Variants in DACH2 observed in about 807,000 individuals in gnomAD.
DACH2 encodes the protein dachshund homolog 2.
A neutral mutation model predicts 35.8 loss-of-function variants in DACH2; 17 were observed. That is an observed-to-expected ratio of 0.48 (90% confidence interval 0.33 to 0.71). The LOEUF is 0.71. Among genes scored for constraint, DACH2 ranks in the 30% least tolerant of loss-of-function variants. DACH2 has a pLI of 0.02. For missense variants in DACH2, 469 were observed against 472.7 expected, an observed-to-expected ratio of 0.99 and a Z score of 0.07; for synonymous variants, 195 against 177.3, an observed-to-expected ratio of 1.10 and a Z score of -0.79.
In DACH2 at chrX:86,787,851, AGAGAG is replaced by A. The variant is rs775488648; in HGVS notation, c.1241-25000_1241-24996del. Among the ~76,000 whole-genome samples, 3 of 111,491 alleles carry A rather than the reference AGAGAG, an allele frequency of 2.7e-5. No individual in the cohort carries two copies. In the South Asian group the frequency reaches 1.1e-3, roughly 42 times the overall value. On this transcript the variant is annotated intron_variant, in intron 7 of 11. Transcript: ENST00000373125. Reference sequence around the variant, plus strand: ...TTGTACTGAGGAGAATAAGGCAGAGAGAGAGGAGATATCAAAGCAAGTTTTAGAGA... The same window carrying A: ...TTGTACTGAGGAGAATAAGGCAGAGAGAGATATCAAAGCAAGTTTTAGAGA...
At chrX:86,707,749 T>C (rs751158810) in intron 5 of DACH2, among the ~76,000 whole-genome samples, 36 of 108,071 alleles carry the variant, frequency 3.3e-4, no homozygotes, top group Non-Finnish European at 5.5e-4. Flanking sequence ...ACCCCGTCTC[T>C]ACTAAAAGTA....
intron 2 of DACH2, among the ~76,000 whole-genome samples, chrX:86,406,213 A>C (rs2036525603): frequency 8.9e-6 from 1 of 112,383 alleles, no homozygotes; most frequent in Non-Finnish European, 1.9e-5. Context: ...TAGTCATGAA[A>C]AAGAATGAGA....
intron 2 of DACH2, among the ~76,000 whole-genome samples, chrX:86,403,539 C>A (rs2036471492): frequency 9.0e-6 from 1 of 111,640 alleles, no homozygotes; most frequent in African/African-American, 3.3e-5. Context: ...CAAAACAAAA[C>A]AGAAATAGAT....
At chrX:86,331,855 T>C in intron 1 of DACH2, among the ~76,000 whole-genome samples, 1 of 111,292 alleles carries the variant, frequency 9.0e-6, no homozygotes, top group South Asian at 3.8e-4. Flanking sequence ...CTCATGCTAG[T>C]GATGATACAT....
At chrX:86,268,366 G>A (rs753656901) in intron 1 of DACH2, among the ~76,000 whole-genome samples, 3 of 110,960 alleles carry the variant, frequency 2.7e-5, no homozygotes, top group South Asian at 3.7e-4. Context: ...AACAAATTTT[G>A]AGCTAGGCAC....
chrX:86,742,539 T>C (rs1454717125), intron 7 of DACH2: 4 of 169,715 alleles, frequency 2.4e-5, no homozygotes, highest in African/African-American at 6.2e-5. Flanking sequence ...ATAAAACTTA[T>C]GTTAGTTGTT....
chrX:86,164,849 G>A (rs2030887190), intron 1 of DACH2, among the ~76,000 whole-genome samples: 1 of 111,511 alleles, frequency 9.0e-6, no homozygotes, highest in Non-Finnish European at 1.9e-5. Flanking sequence ...CTGTAGTATA[G>A]TATGAAGTTG....
At chrX:86,538,625 A>G (rs62593264) in intron 3 of DACH2, among the ~76,000 whole-genome samples, 7,059 of 111,544 alleles carry the variant, frequency 0.063, 180 homozygotes, top group Middle Eastern at 0.097. Flanking sequence ...AGCAGGTGGC[A>G]AAAGGCAAGA....
chrX:86,787,374 C>A (rs962342338), intron 7 of DACH2, among the ~76,000 whole-genome samples: 1 of 111,537 alleles, frequency 9.0e-6, no homozygotes, highest in East Asian at 2.8e-4. Flanking sequence ...AATTCCAGCA[C>A]TTTGGGAGGC....
intron 1 of DACH2, among the ~76,000 whole-genome samples, chrX:86,282,160 C>T (rs967853472): frequency 5.6e-5 from 3 of 53,590 alleles, no homozygotes; most frequent in African/African-American, 1.1e-4. Flanking sequence ...CTTTAAATTT[C>T]GTATGGAACC....
Position 86,323,316 on chromosome X carries a change from G to A in DACH2, c.489-53508G>A, listed in dbSNP as rs757290530. The stretch of plus-strand genomic sequence containing the variant: ...AAGAAATAGCCTACATGGAGAGACG[G>A]ACATTCACTGGGGTAGGGAGTAACC... On this transcript the variant is annotated intron_variant, in intron 1 of 11. Coordinates refer to ENST00000373125, the MANE Select transcript of DACH2 (RefSeq NM_053281.3). Among the ~76,000 whole-genome samples, 15 of 112,080 alleles carry A rather than the reference G, an allele frequency of 1.3e-4. 1 individual carries two copies. The highest frequency in any genetic ancestry group is 1.2e-3 in the Admixed American group (13 of 10,622).
At chrX:86,177,980 AAAAC>A (rs975792380) in intron 1 of DACH2, among the ~76,000 whole-genome samples, 13 of 111,580 alleles carry the variant, frequency 1.2e-4, no homozygotes, top group East Asian at 5.6e-4. Flanking sequence ...AAAGCAAAGT[AAAAC>A]AAACAAACAA....
At chrX:86,435,379 A>G (rs2037051763) in intron 2 of DACH2, among the ~76,000 whole-genome samples, 1 of 112,156 alleles carries the variant, frequency 8.9e-6, no homozygotes, top group African/African-American at 3.2e-5. Context: ...AGCCGCTTAT[A>G]TTGAAAACCT....
chrX:86,794,104 CCTG>C (rs773930518), intron 7 of DACH2, among the ~76,000 whole-genome samples: 102 of 111,016 alleles, frequency 9.2e-4, no homozygotes, highest in African/African-American at 3.2e-3. Flanking sequence ...AAAACATTTC[CCTG>C]TGATTGAATT....
At chrX:86,643,445 C>T (rs145069440) in intron 3 of DACH2, among the ~76,000 whole-genome samples, 1,241 of 109,749 alleles carry the variant, frequency 0.011, 19 homozygotes, top group African/African-American at 0.039. Flanking sequence ...AGACCAATAA[C>T]GAGCTCTGAA....
At chrX:86,578,327 GT>G (rs78222058) in intron 3 of DACH2, among the ~76,000 whole-genome samples, 42,327 of 103,071 alleles carry the variant, frequency 0.41, 8,188 homozygotes, top group African/African-American at 0.73. Flanking sequence ...AGAAAAATAG[GT>G]TTTTTTTTTT....
At chrX:86,454,988 CTGTT>C (rs2148202184) in intron 2 of DACH2, among the ~76,000 whole-genome samples, 1 of 111,044 alleles carries the variant, frequency 9.0e-6, no homozygotes, top group East Asian at 2.8e-4. Context: ...TTGTTGTTTT[CTGTT>C]TGTTTGTTTT....
chrX:86,361,111 A>G (rs1467922893), intron 1 of DACH2, among the ~76,000 whole-genome samples: 1 of 111,586 alleles, frequency 9.0e-6, no homozygotes, highest in African/African-American at 3.2e-5. Flanking sequence ...AAAACTCTTT[A>G]AAGTGTACCT....
chrX:86,398,956 C>T (rs1228623407), intron 2 of DACH2, among the ~76,000 whole-genome samples: 1 of 111,464 alleles, frequency 9.0e-6, no homozygotes, highest in African/African-American at 3.3e-5. Flanking sequence ...CTTTCTGTCT[C>T]ATTGATCTGT....
Sources: allele counts gnomAD v4.1 joint callset (sites outside exome capture counted in the v4.1 genomes callset), GRCh38; gene constraint gnomAD v4.1.1; transcripts MANE v1.5; gene names NCBI Gene and HGNC (gene_info 2026-07-23, HGNC 2026-07-21).